Variants in WWOX observed in about 807,000 individuals in gnomAD.
WWOX encodes the protein WW domain containing oxidoreductase.
A neutral mutation model predicts 46.2 loss-of-function variants in WWOX; 69 were observed. The observed-to-expected ratio is 1.49, with a 90% CI of 1.23 to 1.82. WWOX has a LOEUF of 1.82. WWOX is among the 40% of genes most tolerant of loss of function. The pLI, the probability that WWOX is intolerant of heterozygous loss-of-function variation, is 0.00. For missense variants in WWOX, 919 were observed against 542.6 expected (o/e 1.69, Z -6.89); for synonymous variants, 359 against 202.6 (o/e 1.77, Z -6.56).
intron 8 of WWOX, among the ~76,000 whole-genome samples, chr16:79,039,286 G>A (rs952382159): frequency 3.3e-5 from 5 of 152,032 alleles, no homozygotes; most frequent in Non-Finnish European, 7.4e-5. Flanking sequence ...TAACCTCTCT[G>A]CGCCCTTGGA....
intron 8 of WWOX, among the ~76,000 whole-genome samples, chr16:79,071,204 T>C (rs995717560): frequency 6.6e-6 from 1 of 152,260 alleles, no homozygotes; most frequent in African/African-American, 2.4e-5. Context: ...GGCTTTGTTG[T>C]TCAGGTGAGT....
intron 8 of WWOX, among the ~76,000 whole-genome samples, chr16:78,818,864 C>T (rs971125283): frequency 6.6e-6 from 1 of 152,152 alleles, no homozygotes; most frequent in Admixed American, 6.5e-5. Flanking sequence ...TTCGTTAGCA[C>T]TGAGAGAGGG....
intron 5 of WWOX, among the ~76,000 whole-genome samples, chr16:78,321,583 G>A (rs1251752263): frequency 6.6e-6 from 1 of 151,966 alleles, no homozygotes; most frequent in Non-Finnish European, 1.5e-5. Context: ...TTAAATGGAT[G>A]TCCTAACAGT....
chr16:79,206,942 C>G (rs1372534982), intron 8 of WWOX, among the ~76,000 whole-genome samples: 1 of 152,120 alleles, frequency 6.6e-6, no homozygotes, highest in East Asian at 1.9e-4. Context: ...GAGCAGTTTG[C>G]TTTCATTTGT....
At chr16:78,373,594 G>C (rs754553805) in intron 5 of WWOX, among the ~76,000 whole-genome samples, 1 of 151,756 alleles carries the variant, frequency 6.6e-6, no homozygotes, top group Non-Finnish European at 1.5e-5. Flanking sequence ...GGGACAGCTA[G>C]TTCTATCTGC....
At chr16:78,546,283 C>G (rs780125057) in intron 8 of WWOX, among the ~76,000 whole-genome samples, 4 of 152,046 alleles carry the variant, frequency 2.6e-5, no homozygotes, top group African/African-American at 4.8e-5. Flanking sequence ...TGAAAGGGAA[C>G]AGAAGGGGGT....
chr16:78,792,943 T>C (rs981299904), intron 8 of WWOX, among the ~76,000 whole-genome samples: 1 of 152,190 alleles, frequency 6.6e-6, no homozygotes, highest in South Asian at 2.1e-4. Context: ...TTGATAACCA[T>C]GGCAATGCAA....
intron 8 of WWOX, among the ~76,000 whole-genome samples, chr16:79,195,908 G>C (rs920027720): frequency 2.0e-5 from 3 of 152,188 alleles, no homozygotes; most frequent in African/African-American, 7.2e-5. Flanking sequence ...TTCTTATTTG[G>C]AGATGCTGTT....
intron 8 of WWOX, among the ~76,000 whole-genome samples, chr16:78,640,132 G>A (rs772725337): frequency 9.9e-5 from 15 of 151,510 alleles, no homozygotes; most frequent in Non-Finnish European, 2.1e-4. Flanking sequence ...GGATCTTCAG[G>A]TTTGGAGGGA....
intron 5 of WWOX, among the ~76,000 whole-genome samples, chr16:78,185,965 C>T (rs2035689393): frequency 6.6e-6 from 1 of 152,122 alleles, no homozygotes; most frequent in Non-Finnish European, 1.5e-5. Flanking sequence ...AGCACCCGGC[C>T]TCAAAGTGAC....
At chr16:78,728,027 C>G (rs1322517538) in intron 8 of WWOX, among the ~76,000 whole-genome samples, 1 of 148,640 alleles carries the variant, frequency 6.7e-6, no homozygotes, top group Non-Finnish European at 1.5e-5. Context: ...ATAGATAACT[C>G]CCTTCCTCTT....
At chr16:79,093,598 C>CGAG (rs2049008552) in intron 8 of WWOX, among the ~76,000 whole-genome samples, 1 of 152,194 alleles carries the variant, frequency 6.6e-6, no homozygotes, top group South Asian at 2.1e-4. Flanking sequence ...AGCAGGCCTC[C>CGAG]AGTGCCCGGT....
chr16:78,146,219 C>T (rs1243375618), intron 4 of WWOX, among the ~76,000 whole-genome samples: 2 of 152,128 alleles, frequency 1.3e-5, no homozygotes, highest in Admixed American at 6.5e-5. Flanking sequence ...GCTCCCGCTG[C>T]TGACAAGACC....
At chr16:79,136,940 T>A (rs1193341426) in intron 8 of WWOX, among the ~76,000 whole-genome samples, 1 of 152,178 alleles carries the variant, frequency 6.6e-6, no homozygotes, top group Non-Finnish European at 1.5e-5. Flanking sequence ...ATGTGATTAA[T>A]CCTCCCCCTA....
At chr16:78,866,696 G>A (rs1285356157) in intron 8 of WWOX, among the ~76,000 whole-genome samples, 1 of 152,188 alleles carries the variant, frequency 6.6e-6, no homozygotes, top group Non-Finnish European at 1.5e-5. Context: ...TAAGTAAATG[G>A]CAGAGCACGC....
intron 8 of WWOX, among the ~76,000 whole-genome samples, chr16:78,976,690 A>T (rs1174965393): frequency 6.6e-6 from 1 of 152,336 alleles, no homozygotes; most frequent in South Asian, 2.1e-4. Flanking sequence ...CAAAGAGAAA[A>T]TGCCTGAGAC....
At chr16:78,831,215 C>T (rs910215547) in intron 8 of WWOX, among the ~76,000 whole-genome samples, 3 of 139,366 alleles carry the variant, frequency 2.2e-5, no homozygotes, top group Non-Finnish European at 4.6e-5. Flanking sequence ...CTTTCGAGGT[C>T]ATGTTTTCCC....
chr16:78,404,068 T>C (rs1359869385), intron 6 of WWOX, among the ~76,000 whole-genome samples: 2 of 152,192 alleles, frequency 1.3e-5, no homozygotes, highest in African/African-American at 2.4e-5. Flanking sequence ...CTAAAAAGTA[T>C]AGAAGAGTTC....
At position 78,595,706 on chromosome 16, in the gene WWOX, C is replaced by T. The variant is rs1201914245; in HGVS notation, c.1056+162954C>T. ...TCCTCAGATAGCTGCTGGCAGAAACCTGCACTCAGTACATCTATACATGGT... is the reference window on the plus strand; with the variant it reads ...TCCTCAGATAGCTGCTGGCAGAAACTTGCACTCAGTACATCTATACATGGT... On this transcript the variant is annotated intron_variant, in intron 8 of 8. Transcript: ENST00000566780. 6.6e-5 allele frequency among the ~76,000 whole-genome samples: 10 copies of T among 152,306 alleles called. No homozygotes were observed. In the East Asian group the frequency reaches 1.5e-3, roughly 24 times the overall value.
Sources: gnomAD v4.1 joint callset for allele counts (sites outside exome capture counted in the v4.1 genomes callset) on GRCh38, gnomAD v4.1.1 for gene constraint, MANE v1.5 for transcripts, NCBI Gene and HGNC (gene_info 2026-07-23, HGNC 2026-07-21) for gene names.